The following CRAMP1 variants were observed in gnomAD, a reference collection of about 807,000 sequenced individuals.
The protein encoded by CRAMP1 is cramped chromatin regulator 1, also known as protein cramped-like.
A neutral mutation model predicts 115.4 loss-of-function variants in CRAMP1; 50 were observed. That is an observed-to-expected ratio of 0.43 (90% CI 0.35 to 0.55). The LOEUF is 0.55. Ranked by LOEUF, CRAMP1 falls within the 20% of genes least tolerant of loss-of-function variation. The probability of loss-of-function intolerance (pLI) is 0.01; values close to 1 mark genes in which losing one functional copy is unlikely to be tolerated. For missense variants in CRAMP1, 1,679 were observed against 1,721.7 expected, an observed-to-expected ratio of 0.98 and a Z score of 0.44; for synonymous variants, 866 against 745.4, an observed-to-expected ratio of 1.16 and a Z score of -2.64.
chr16:1,626,800 T>C (rs1253463026), intron 3 of CRAMP1, among the ~76,000 whole-genome samples: 4 of 152,200 alleles, frequency 2.6e-5, no homozygotes, highest in Non-Finnish European at 5.9e-5. Flanking sequence ...TTTTGCTCTG[T>C]ATTTTTTTTT....
chr16:1,657,677 G>A (rs887569791), intron 10 of CRAMP1, among the ~76,000 whole-genome samples: 19 of 152,288 alleles, frequency 1.2e-4, no homozygotes, highest in Admixed American at 1.3e-4. Context: ...GCCTAGGGAA[G>A]GGTCCCTTAC....
chr16:1,637,004 G>T (rs2036593175), intron 4 of CRAMP1, among the ~76,000 whole-genome samples: 1 of 152,158 alleles, frequency 6.6e-6, no homozygotes, highest in Admixed American at 6.5e-5. Flanking sequence ...AATAAAACAG[G>T]GGCCTTGGCT....
At chr16:1,673,596 G>T (rs1055635857) in intron 20 of CRAMP1, among the ~76,000 whole-genome samples, 1 of 152,212 alleles carries the variant, frequency 6.6e-6, no homozygotes, top group Non-Finnish European at 1.5e-5. Context: ...TACCTGTTGG[G>T]TGTCTTCCCC....
At chr16:1,622,262 T>C (rs1441426024) in intron 2 of CRAMP1, among the ~76,000 whole-genome samples, 1 of 152,228 alleles carries the variant, frequency 6.6e-6, no homozygotes, top group African/African-American at 2.4e-5. Context: ...CCTGTAACCC[T>C]AGCACTTTGA....
rs1366268249 is a variant in CRAMP1, at chr16:1,659,985, A to G, written c.2335A>G (p.Ser779Gly). 3 of 1,607,142 alleles carry G rather than the reference A, an allele frequency of 1.9e-6. No homozygotes were observed. Among genetic ancestry groups the G allele is most frequent in the South Asian group, 1.1e-5 (1 of 91,072 alleles). ...GAAGGTGGTGACCGTCAGCTCTCGC[A>G]GCCCCCGCTGCCCTCGGAACCAGGC... is the stretch of plus-strand genomic sequence containing the variant. ...PGKVVTVSSR[S>G]PRCPRNQASL... is the part of the protein sequence containing the mutation. The change falls in exon 11 of 21, where the codon AGC becomes GGC. Residue 779 changes from serine to glycine, a missense_variant. Physicochemically the swap from Ser to Gly is moderately conservative, Grantham distance 56. Coordinates refer to ENST00000397412, the MANE Select transcript of CRAMP1 (RefSeq NM_020825.4).
chr16:1,646,912 C>T (rs1231388341), intron 6 of CRAMP1: 5 of 618,028 alleles, frequency 8.1e-6, no homozygotes, highest in Admixed American at 2.6e-5. Context: ...GTCTCTCCTC[C>T]ATTGAGTGGC....
intron 11 of CRAMP1, 166 bp from the exon 12 acceptor site, chr16:1,662,324 A>C (rs2036838900): frequency 3.3e-6 from 2 of 611,804 alleles, no homozygotes; most frequent in Non-Finnish European, 5.8e-6. Context: ...AGAAGGATAG[A>C]AAATCAGTCT....
At position 1,614,718 on chromosome 16, in the gene CRAMP1, T is replaced by C; in HGVS notation, c.79T>C (p.Ser27Pro). Residue 27 changes from serine (S) to proline (P), a missense_variant, in exon 2 of 21, where the codon TCC (serine) becomes CCC (proline). Physicochemically the swap from Ser to Pro is moderately conservative, Grantham distance 74. Around this residue, in one of 8 missense-constraint regions of CRAMP1, gnomAD observed 264 missense variants for 229.7 expected, o/e 1.15. Coordinates refer to ENST00000397412, the MANE Select transcript of CRAMP1 (RefSeq NM_020825.4). The surrounding 1 kb of genome is among the most constrained non-coding windows in gnomAD (Gnocchi z 4.4). The part of the protein sequence containing the change: ...KLGKRAADEE[S>P]LEGEGAGGAD... Reference sequence around the variant, plus strand: ...GGGCAAGCGGGCGGCCGATGAGGAGTCCCTGGAAGGAGAAGGGGCCGGCGG... The same window carrying C: ...GGGCAAGCGGGCGGCCGATGAGGAGCCCCTGGAAGGAGAAGGGGCCGGCGG... The C allele has an allele frequency of 1.5e-6, 2 of 1,354,274 alleles. No individual in the cohort carries two copies. The highest frequency in any genetic ancestry group is 9.6e-7 in the Non-Finnish European group (1 of 1,043,354). 83.9% of individuals were successfully genotyped at this position (1,354,274 alleles called of 1,614,324 possible).
rs1252475548 is a variant in CRAMP1 at position 1,662,645 on chromosome 16, T to G, written c.2569T>G (p.Phe857Val). The change falls in exon 12 of 21, where the codon TTC (phenylalanine) becomes GTC (valine). Residue 857 changes from phenylalanine to valine, a missense_variant. By Grantham distance (50) the Phe-to-Val change is conservative (BLOSUM62 -1). This residue lies in a region of CRAMP1 where 709 missense variants were observed against 741.9 expected (regional missense o/e 0.96). Coordinates refer to ENST00000397412, the MANE Select transcript of CRAMP1 (RefSeq NM_020825.4). ...TCCCAGTAAAGAAGCAGAGCTGACT[T>G]TCCGCCAGCATCTGAACTCCATCAG... ...FSPSKEAELT[F>V]RQHLNSISMQ... is the part of the protein sequence containing the mutation. The G allele has an allele frequency of 1.2e-6, 2 of 1,614,024 alleles. No individual in the cohort carries two copies. Among genetic ancestry groups the G allele is most frequent in the Non-Finnish European group, 1.7e-6 (2 of 1,179,888 alleles).
chr16:1,666,669 C>A lies in CRAMP1; in HGVS notation c.3036+69C>A. ...TGGTGTGGACGCCAAAGCCATGGGGCTGAGATCACGCTGGACTCCAGCTCT... is the reference window on the plus strand; with the variant it reads ...TGGTGTGGACGCCAAAGCCATGGGGATGAGATCACGCTGGACTCCAGCTCT... On this transcript the variant is annotated intron_variant, in intron 16 of 20. Transcript: ENST00000397412. This position sits in a 1 kb window ranked among gnomAD's most constrained non-coding sequence, Gnocchi z 5.0. The A allele has an allele frequency of 7.0e-7, 1 of 1,428,692 alleles. No individual in the cohort carries two copies. Among genetic ancestry groups the A allele is most frequent in the African/African-American group, 1.4e-5 (1 of 71,488 alleles). The allele number at this position is 1,428,692 out of a possible 1,614,324, so 88.5% of individuals were successfully genotyped here. A position where few individuals can be genotyped will look rare whatever the true frequency, so the allele number is the denominator to read the frequency against.
chr16:1,637,608 C>T lies in CRAMP1; in HGVS notation c.695-216C>T, dbSNP rs144832611. Among the ~76,000 whole-genome samples the T allele has an allele frequency of 3.3e-3, 504 of 152,338 alleles. 3 individuals carry two copies. The highest frequency in any genetic ancestry group is 0.011 in the African/African-American group (439 of 41,578). On this transcript the variant is annotated intron_variant, in intron 4 of 20. Transcript: ENST00000397412. ...TCTGCCTATTGGGGTAAATTTCTAA[C>T]GCCCCACTTTGGTTTAACTTTTTAT...
At chr16:1,641,873 C>T (rs1038754039) in intron 6 of CRAMP1, among the ~76,000 whole-genome samples, 3 of 150,940 alleles carry the variant, frequency 2.0e-5, no homozygotes, top group African/African-American at 7.3e-5. Context: ...CTCCACTCCG[C>T]AGCCTGGGGG....
Position 1,614,684 on chromosome 16 carries a change from C to T in CRAMP1, c.45C>T (p.Leu15=). The T allele has an allele frequency of 7.6e-7, 1 of 1,321,156 alleles. No homozygotes were observed. Among genetic ancestry groups the T allele is most frequent in the Non-Finnish European group, 9.7e-7 (1 of 1,028,794 alleles). 81.8% of individuals were successfully genotyped at this position (1,321,156 alleles called of 1,614,324 possible). A position where few individuals can be genotyped will look rare whatever the true frequency, so the allele number is the denominator to read the frequency against. Residue 15 remains leucine (L), a synonymous_variant, in exon 2 of 21, where the codon CTC becomes CTT. Coordinates refer to ENST00000397412, the MANE Select transcript of CRAMP1 (RefSeq NM_020825.4). This position sits in a 1 kb window ranked among gnomAD's most constrained non-coding sequence, Gnocchi z 4.4. Reference sequence around the variant, plus strand: ...ACGGCGGCAGCGGGGAGGACGGGCTCAAGAAGCTGGGCAAGCGGGCGGCCG... The same window carrying T: ...ACGGCGGCAGCGGGGAGGACGGGCTTAAGAAGCTGGGCAAGCGGGCGGCCG... The part of the protein sequence containing the change: ...LGDGGSGEDG[L]KKLGKRAADE...
In CRAMP1 at chr16:1,675,133, A is replaced by G. The variant is rs923655408; in HGVS notation, c.*1088A>G. ...GGCCCAGACATCTGGATGTGGTCAG[A>G]CCTCACCAAATATATGCCTTCGTGG... is the stretch of plus-strand genomic sequence containing the variant. On this transcript the variant is annotated 3_prime_UTR_variant, in exon 21 of 21. Coordinates refer to ENST00000397412, the MANE Select transcript of CRAMP1 (RefSeq NM_020825.4). 2 of 152,152 alleles carry G rather than the reference A, an allele frequency of 1.3e-5. No homozygotes were observed. Among genetic ancestry groups the G allele is most frequent in the Admixed American group, 6.5e-5 (1 of 15,286 alleles). 9.4% of individuals were successfully genotyped at this position (152,152 alleles called of 1,614,324 possible). A position where few individuals can be genotyped will look rare whatever the true frequency, so the allele number is the denominator to read the frequency against.
chr16:1,648,663 C>T (rs1041665443), intron 6 of CRAMP1, among the ~76,000 whole-genome samples: 7 of 152,064 alleles, frequency 4.6e-5, no homozygotes, highest in Non-Finnish European at 8.8e-5. Flanking sequence ...CAATGTTTCC[C>T]CTGGTTCCTT....
chr16:1,659,859 A>G (rs146872430), intron 10 of CRAMP1, 27 bp from the exon 11 acceptor site: 1 of 1,609,596 alleles, frequency 6.2e-7, no homozygotes, highest in Non-Finnish European at 8.5e-7. Context: ...CTGAGTTTGG[A>G]CATTGTTTGG....
intron 6 of CRAMP1, among the ~76,000 whole-genome samples, chr16:1,644,856 A>C (rs1004972699): frequency 6.6e-6 from 1 of 151,912 alleles, no homozygotes; most frequent in East Asian, 1.9e-4. Context: ...TGGTGTGTAC[A>C]TTCTTTTTCT....
At chr16:1,641,118 A>C in intron 5 of CRAMP1, 21 bp from the exon 6 acceptor site, 2 of 1,582,190 alleles carry the variant, frequency 1.3e-6, no homozygotes, top group Non-Finnish European at 1.7e-6. Flanking sequence ...GGTCTCATTT[A>C]TTTATTTTTT....
At chr16:1,670,907 T>A in intron 20 of CRAMP1, 98 bp downstream of exon 20, 2 of 1,175,752 alleles carry the variant, frequency 1.7e-6, no homozygotes, top group Non-Finnish European at 2.4e-6. Context: ...AAGAGCTGTT[T>A]GCCAAGAGTA....
Sources: gnomAD v4.1 joint callset for allele counts (sites outside exome capture counted in the v4.1 genomes callset) on GRCh38, gnomAD v4.1.1 for gene constraint, gnomAD v4.1.1 regional missense constraint, Gnocchi (gnomAD v3.1) non-coding constraint, MANE v1.5 for transcripts, NCBI Gene and HGNC (gene_info 2026-07-23, HGNC 2026-07-21) for gene names.